The following SH2B2 variants were observed in gnomAD, a reference collection of about 807,000 sequenced individuals.
SH2B2 encodes the protein SH2B adaptor protein 2, also known as SH2B adapter protein 2.
In SH2B2, 37 loss-of-function variants were observed where a neutral mutation model predicts 35.7. The observed-to-expected ratio is 1.04, with a 90% CI of 0.80 to 1.36. SH2B2 has a LOEUF of 1.36. SH2B2 is among the 40% of genes most tolerant of loss of function. The pLI is 0.00. For missense variants in SH2B2, 852 were observed against 817.7 expected (o/e 1.04, Z -0.51); for synonymous variants, 383 against 376.4 (o/e 1.02, Z -0.20).
intron 2 of SH2B2, among the ~76,000 whole-genome samples, chr7:102,303,718 G>T (rs2132969567): frequency 6.6e-6 from 1 of 152,338 alleles, no homozygotes. Flanking sequence ...AGTGACGGGT[G>T]GGGTGGGGCT....
intron 3 of SH2B2, 143 bp downstream of exon 3, chr7:102,306,965 C>A (rs1793427937): frequency 4.4e-6 from 3 of 676,764 alleles, no homozygotes; most frequent in Non-Finnish European, 7.8e-6. Context: ...GGGGGGTTCC[C>A]AGACCCTATG....
At chr7:102,291,963 G>A (rs931849574) in intron 1 of SH2B2, among the ~76,000 whole-genome samples, 1 of 152,168 alleles carries the variant, frequency 6.6e-6, no homozygotes, top group African/African-American at 2.4e-5. Flanking sequence ...CTGCCCCACC[G>A]AGGCCAGGAG....
At chr7:102,290,496 C>G (rs1188679455) in intron 1 of SH2B2, among the ~76,000 whole-genome samples, 1 of 152,134 alleles carries the variant, frequency 6.6e-6, no homozygotes, top group Non-Finnish European at 1.5e-5. Context: ...AACTCCTGAC[C>G]TCAAGTGATC....
intron 4 of SH2B2, among the ~76,000 whole-genome samples, chr7:102,312,481 T>C (rs1431419817): frequency 1.3e-5 from 2 of 152,130 alleles, no homozygotes; most frequent in Non-Finnish European, 2.9e-5. Context: ...CTAAAGGGAA[T>C]AGACTGAGCA....
At position 102,314,620 on chromosome 7, in the gene SH2B2, T is replaced by C; in HGVS notation, c.1124T>C (p.Leu375Pro). 2.5e-6 allele frequency: 1 copy of C among 398,438 alleles called. No homozygotes were observed. The highest frequency in any genetic ancestry group is 4.4e-6 in the Non-Finnish European group (1 of 226,102). The allele number at this position is 398,438 out of a possible 1,614,324, so 24.7% of individuals were successfully genotyped here. Residue 375 changes from leucine (L) to proline (P), a missense_variant, in exon 6 of 9, where the codon CTA becomes CCA. By Grantham distance (98) the Leu-to-Pro change is moderately conservative (BLOSUM62 -3). Transcript: ENST00000444095. ...AGAGAATCCCTGATCCACGTCCCGC[T>C]AGAGACCTTTCTGCAGACCCTGGAA... ...AVRESLIHVPLETFLQTLESP... is the reference protein window; with the variant it reads ...AVRESLIHVPPETFLQTLESP...
intron 2 of SH2B2, among the ~76,000 whole-genome samples, chr7:102,304,818 C>G (rs1041888627): frequency 6.6e-6 from 1 of 152,376 alleles, no homozygotes; most frequent in African/African-American, 2.4e-5. Context: ...AGCCAGGCCC[C>G]GTTCATGCTT....
chr7:102,317,079 T>C (rs1303978857), intron 6 of SH2B2, 108 bp from the exon 7 acceptor site: 1 of 894,496 alleles, frequency 1.1e-6, no homozygotes, highest in Non-Finnish European at 1.7e-6. Flanking sequence ...TCCAACAGCA[T>C]TTTGCATGTA....
rs78652569 is a variant in SH2B2, at chr7:102,288,739, G to C, written c.-30+1645G>C. The stretch of plus-strand genomic sequence containing the variant: ...GCTAAGGGCATCAGGATCGCCGTTC[G>C]TGTCATCTTTACAACAATCCTGTGG... On this transcript the variant is annotated intron_variant, in intron 1 of 8. Coordinates refer to ENST00000444095, the MANE Select transcript of SH2B2 (RefSeq NM_001359228.2). Among the ~76,000 whole-genome samples, 9 of 152,238 alleles carry C rather than the reference G, an allele frequency of 5.9e-5. No individual in the cohort carries two copies. In the East Asian group the frequency reaches 1.7e-3, roughly 29 times the overall value.
chr7:102,290,541 A>T (rs1792637547), intron 1 of SH2B2, among the ~76,000 whole-genome samples: 1 of 152,152 alleles, frequency 6.6e-6, no homozygotes, highest in Non-Finnish European at 1.5e-5. Flanking sequence ...CTGGGATTAC[A>T]GGTGTGAGCC....
intron 4 of SH2B2, 99 bp from the exon 5 acceptor site, chr7:102,314,237 G>T (rs914866228): frequency 2.5e-6 from 1 of 398,028 alleles, no homozygotes; most frequent in Non-Finnish European, 4.4e-6. Context: ...CTAGATGCTG[G>T]GCCATGGGAC....
At chr7:102,287,159 C>G (rs1554550999) in intron 1 of SH2B2, 65 bp downstream of exon 1, 1 of 152,152 alleles carries the variant, frequency 6.6e-6, no homozygotes, top group Non-Finnish European at 1.5e-5. Context: ...TGTCTGTCCC[C>G]GGGGACGTGC....
At chr7:102,286,751 C>A (rs1167798429), upstream of SH2B2, 1 of 94,948 alleles carries the variant, frequency 1.1e-5, no homozygotes, top group Non-Finnish European at 2.2e-5. Context: ...CTGAGCGGCG[C>A]AAGTGGGGGC....
chr7:102,313,981 C>T (rs997977354), intron 4 of SH2B2, among the ~76,000 whole-genome samples: 5 of 152,122 alleles, frequency 3.3e-5, no homozygotes, highest in South Asian at 2.1e-4. Flanking sequence ...TTTCTGTGAC[C>T]CACCTTGGGA....
chr7:102,288,686 C>T (rs1792553103), intron 1 of SH2B2, among the ~76,000 whole-genome samples: 1 of 152,270 alleles, frequency 6.6e-6, no homozygotes, highest in South Asian at 2.1e-4. Flanking sequence ...CAGGGCTGAG[C>T]TTTTGGTTTC....
upstream of SH2B2, among the ~76,000 whole-genome samples, chr7:102,286,125 G>A (rs529706262): frequency 2.0e-5 from 3 of 152,322 alleles, no homozygotes; most frequent in South Asian, 6.2e-4. Flanking sequence ...CAGGGTTGTG[G>A]CCCCTCATCG....
rs898705638 is a variant in SH2B2 at position 102,300,589 on chromosome 7, G to T, written c.39G>T (p.Pro13=). 6.5e-7 allele frequency: 1 copy of T among 1,549,794 alleles called. No homozygotes were observed. The highest frequency in any genetic ancestry group is 1.4e-5 in the African/African-American group (1 of 73,116). The stretch of plus-strand genomic sequence containing the variant: ...GCCCTGGCCCCGCCGCAGCCGCCCC[G>T]GTCCCAGTCCCGGTCCCGGTCCCGG... ...GAGPGPAAAA[P]VPVPVPVPDW... is the part of the protein sequence containing the mutation. Residue 13 remains proline, a synonymous_variant, in exon 2 of 9, where the codon CCG becomes CCT. Transcript: ENST00000444095.
intron 1 of SH2B2, among the ~76,000 whole-genome samples, chr7:102,289,146 A>C (rs1355938310): frequency 6.6e-6 from 1 of 152,230 alleles, no homozygotes; most frequent in African/African-American, 2.4e-5. Context: ...AGAGCAAGGC[A>C]GGGCATCGCT....
intron 1 of SH2B2, among the ~76,000 whole-genome samples, chr7:102,287,928 A>G (rs894828259): frequency 5.3e-5 from 8 of 152,204 alleles, no homozygotes; most frequent in African/African-American, 1.7e-4. Context: ...CGAATAAGCC[A>G]GGATCTACGT....
chr7:102,305,473 C>T (rs1793357693), intron 2 of SH2B2, among the ~76,000 whole-genome samples: 1 of 152,012 alleles, frequency 6.6e-6, no homozygotes, highest in African/African-American at 2.4e-5. Context: ...ATCATGTTGC[C>T]CAGGCTGGTC....
Sources: gnomAD v4.1 joint callset for allele counts (sites outside exome capture counted in the v4.1 genomes callset) on GRCh38, gnomAD v4.1.1 for gene constraint, MANE v1.5 for transcripts, NCBI Gene and HGNC (gene_info 2026-07-23, HGNC 2026-07-21) for gene names.